Variants in PTPRG observed in about 807,000 individuals in gnomAD.
PTPRG encodes receptor-type tyrosine-protein phosphatase gamma.
In PTPRG, 102 loss-of-function variants were observed where a neutral mutation model predicts 165.3. That is an observed-to-expected ratio of 0.62 (90% CI 0.53 to 0.73). The LOEUF (loss-of-function observed/expected upper bound fraction) is 0.73. Among genes scored for constraint, PTPRG ranks in the 30% least tolerant of loss-of-function variants. PTPRG has a pLI of 0.00. For missense variants in PTPRG, 1,866 were observed against 1,861.4 expected (o/e 1.00, Z -0.05); for synonymous variants, 675 against 669.5 (o/e 1.01, Z -0.13).
intron 6 of PTPRG, among the ~76,000 whole-genome samples, chr3:62,135,597 A>G (rs1262337666): frequency 6.6e-5 from 10 of 152,190 alleles, no homozygotes; most frequent in Admixed American, 2.0e-4. Context: ...TAACCTGCTC[A>G]TATCAGCCAA....
At chr3:62,112,635 T>C (rs1702712708) in intron 5 of PTPRG, among the ~76,000 whole-genome samples, 1 of 152,234 alleles carries the variant, frequency 6.6e-6, no homozygotes, top group Non-Finnish European at 1.5e-5. Context: ...GCATTTGAGG[T>C]AGACCTTTAC....
chr3:61,744,840 C>T (rs1484520716), intron 1 of PTPRG, among the ~76,000 whole-genome samples: 2 of 151,904 alleles, frequency 1.3e-5, no homozygotes, highest in African/African-American at 2.4e-5. Context: ...GGGCCATTTT[C>T]TTTTTGCTTC....
intron 8 of PTPRG, among the ~76,000 whole-genome samples, chr3:62,178,072 T>G (rs1705498792): frequency 6.6e-6 from 1 of 151,740 alleles, no homozygotes; most frequent in South Asian, 2.1e-4. Context: ...GATGGATGGA[T>G]GAAAATGTGA....
chr3:61,989,875 T>TA (rs2040843647), intron 3 of PTPRG, 71 bp downstream of exon 3: 1 of 1,528,184 alleles, frequency 6.5e-7, no homozygotes, highest in Non-Finnish European at 8.9e-7. Flanking sequence ...GTGTTTTCCT[T>TA]AACCATGACT....
intron 1 of PTPRG, among the ~76,000 whole-genome samples, chr3:61,683,058 C>T (rs1703506350): frequency 6.6e-6 from 1 of 152,136 alleles, no homozygotes; most frequent in South Asian, 2.1e-4. Context: ...GGTTTTAGGC[C>T]TAACAAAGCT....
chr3:62,053,918 C>A (rs1419992388), intron 4 of PTPRG, among the ~76,000 whole-genome samples: 2 of 152,136 alleles, frequency 1.3e-5, no homozygotes, highest in East Asian at 3.9e-4. Context: ...TGAGGTATAG[C>A]CTACATACGG....
chr3:61,563,735 T>A (rs1198720415), intron 1 of PTPRG, among the ~76,000 whole-genome samples: 3 of 152,068 alleles, frequency 2.0e-5, no homozygotes, highest in Non-Finnish European at 2.9e-5. Context: ...GGAGCGCCCG[T>A]TTTTGGTGCA....
chr3:61,953,270 C>T (rs1575818765), intron 2 of PTPRG, among the ~76,000 whole-genome samples: 2 of 152,188 alleles, frequency 1.3e-5, no homozygotes, highest in East Asian at 3.9e-4. Context: ...TTCTCCCACC[C>T]ACCCTTGCTC....
intron 5 of PTPRG, among the ~76,000 whole-genome samples, chr3:62,112,880 A>G (rs1466198112): frequency 6.6e-6 from 1 of 152,230 alleles, no homozygotes; most frequent in Non-Finnish European, 1.5e-5. Flanking sequence ...TCAGATGTCC[A>G]TGATTGACTC....
intron 4 of PTPRG, among the ~76,000 whole-genome samples, chr3:62,059,688 C>G (rs946766650): frequency 5.3e-5 from 8 of 152,054 alleles, no homozygotes; most frequent in Non-Finnish European, 8.8e-5. Context: ...GGCTGTATCC[C>G]CACCCAAATC....
rs181110671 is a variant in PTPRG, at chr3:61,816,255, C to T, written c.190+67273C>T. Reference sequence around the variant, plus strand: ...TTCAAAAACCCAGAAAAAGGCTGGACGTGGTGGCTCACACCCATAATCCCA... The same window carrying T: ...TTCAAAAACCCAGAAAAAGGCTGGATGTGGTGGCTCACACCCATAATCCCA... On this transcript the variant is annotated intron_variant, in intron 2 of 29. Transcript: ENST00000474889. 2.0e-3 allele frequency among the ~76,000 whole-genome samples: 308 copies of T among 152,246 alleles called. 2 individuals are homozygous for T. Among genetic ancestry groups the T allele is most frequent in the East Asian group, 3.5e-3 (18 of 5,156 alleles).
intron 5 of PTPRG, among the ~76,000 whole-genome samples, chr3:62,120,961 T>G (rs866733177): frequency 4.0e-5 from 6 of 151,862 alleles, no homozygotes; most frequent in African/African-American, 1.2e-4. Flanking sequence ...TAGGTTTTTT[T>G]TCACAAGACA....
chr3:62,250,310 C>T (rs1158663752), intron 15 of PTPRG, among the ~76,000 whole-genome samples: 1 of 152,126 alleles, frequency 6.6e-6, no homozygotes, highest in Non-Finnish European at 1.5e-5. Context: ...CCTCTGGCTT[C>T]CTGATACACA....
intron 5 of PTPRG, among the ~76,000 whole-genome samples, chr3:62,125,655 C>T (rs1051424262): frequency 1.3e-5 from 2 of 151,786 alleles, no homozygotes; most frequent in Non-Finnish European, 2.9e-5. Flanking sequence ...GCTCCTTTTG[C>T]CCCAGGCTTC....
intron 5 of PTPRG, among the ~76,000 whole-genome samples, chr3:62,118,863 G>A (rs1702958063): frequency 6.6e-6 from 1 of 152,118 alleles, no homozygotes; most frequent in Non-Finnish European, 1.5e-5. Context: ...ACATCTTTTG[G>A]ACATAAATCC....
intron 13 of PTPRG, among the ~76,000 whole-genome samples, chr3:62,226,189 A>C (rs963117863): frequency 6.6e-6 from 1 of 152,252 alleles, no homozygotes; most frequent in Non-Finnish European, 1.5e-5. Flanking sequence ...TGGGTTAGCC[A>C]ATACGTTATC....
intron 2 of PTPRG, among the ~76,000 whole-genome samples, chr3:61,819,426 T>A (rs903535491): frequency 6.6e-6 from 1 of 152,302 alleles, no homozygotes; most frequent in Non-Finnish European, 1.5e-5. Context: ...ATAATCATAA[T>A]TGGAGTGTCC....
In PTPRG at chr3:61,875,959, GA is replaced by G. The variant is rs371625733; in HGVS notation, c.191-113662del. Among the ~76,000 whole-genome samples the G allele has an allele frequency of 4.1e-3, 618 of 152,160 alleles. 3 individuals carry two copies. Among genetic ancestry groups the G allele is most frequent in the African/African-American group, 0.014 (565 of 41,510 alleles). On this transcript the variant is annotated intron_variant, in intron 2 of 29. Coordinates refer to ENST00000474889, the MANE Select transcript of PTPRG (RefSeq NM_002841.4). ...TAACTGAAATCTAGTCTCTACTTTT[GA>G]AAATCTTAGTCATGATTGACTAAAG... is the stretch of plus-strand genomic sequence containing the variant.
intron 2 of PTPRG, among the ~76,000 whole-genome samples, chr3:61,775,645 G>C (rs904163836): frequency 3.3e-5 from 5 of 151,958 alleles, no homozygotes; most frequent in African/African-American, 4.8e-5. Context: ...AAACACCAAA[G>C]GTCTTGGCTA....
Sources: gnomAD v4.1 joint callset for allele counts (sites outside exome capture counted in the v4.1 genomes callset) on GRCh38, gnomAD v4.1.1 for gene constraint, MANE v1.5 for transcripts, NCBI Gene and HGNC (gene_info 2026-07-23, HGNC 2026-07-21) for gene names.